SUCLA2: variants seen among roughly 807,000 people sequenced by gnomAD.
The protein encoded by SUCLA2 is succinate-CoA ligase ADP-forming subunit beta, also known as succinate--CoA ligase [ADP-forming] subunit beta, mitochondrial.
Under a neutral mutation model 54.8 loss-of-function variants are expected in SUCLA2, and 30 were observed. That is an observed-to-expected ratio of 0.55 (90% CI 0.41 to 0.74). SUCLA2 has a LOEUF of 0.74. Ranked by LOEUF, SUCLA2 falls within the 30% of genes least tolerant of loss-of-function variation. The pLI is 0.00. For missense variants in SUCLA2, 476 were observed against 562.9 expected (o/e 0.85, Z 1.56); for synonymous variants, 172 against 188.9 (o/e 0.91, Z 0.74).
At chr13:47,973,214 AT>A (rs749104057) in intron 5 of SUCLA2, 49 bp downstream of exon 5, 249 of 1,513,506 alleles carry the variant, frequency 1.6e-4, no homozygotes, top group Non-Finnish European at 2.2e-4. Context: ...ATCTTTAAGT[AT>A]CATAATTCTC....
chr13:47,962,514 T>C (rs901125119), intron 6 of SUCLA2, among the ~76,000 whole-genome samples: 1 of 152,150 alleles, frequency 6.6e-6, no homozygotes, highest in East Asian at 1.9e-4. Context: ...GGACTGAAGA[T>C]TATTTTGCAG....
At chr13:47,961,696 C>T (rs1440518161) in intron 6 of SUCLA2, among the ~76,000 whole-genome samples, 2 of 150,608 alleles carry the variant, frequency 1.3e-5, no homozygotes, top group Non-Finnish European at 3.0e-5. Flanking sequence ...GATTCTACGA[C>T]ATTCCTGAAA....
Position 47,996,840 on chromosome 13 carries a change from T to C in SUCLA2, c.271+3A>G. On this transcript the variant is annotated splice_donor_region_variant and intron_variant, in intron 2 of 10. Coordinates refer to ENST00000646932, the MANE Select transcript of SUCLA2 (RefSeq NM_003850.3). Reference sequence around the variant, plus strand: ...GTGGCAAAAGCTTTTCTTAATTTAGTACCTAATTTTTTGGCAATTGCATAA... The same window carrying C: ...GTGGCAAAAGCTTTTCTTAATTTAGCACCTAATTTTTTGGCAATTGCATAA... 1 of 1,612,786 alleles carries C rather than the reference T, an allele frequency of 6.2e-7. No individual in the cohort carries two copies. Among genetic ancestry groups the C allele is most frequent in the Non-Finnish European group, 8.5e-7 (1 of 1,179,782 alleles).
intron 8 of SUCLA2, among the ~76,000 whole-genome samples, chr13:47,953,379 A>G (rs898639667): frequency 6.6e-6 from 1 of 152,226 alleles, no homozygotes; most frequent in Non-Finnish European, 1.5e-5. Context: ...GTTTGTCAAA[A>G]GAAGCTATAG....
intron 6 of SUCLA2, among the ~76,000 whole-genome samples, chr13:47,963,805 T>C (rs563786111): frequency 2.0e-4 from 30 of 152,334 alleles, no homozygotes; most frequent in African/African-American, 7.0e-4. Context: ...CATTAAGTAG[T>C]ATGTCTATCT....
chr13:47,957,657 A>G (rs1329435165), intron 6 of SUCLA2, among the ~76,000 whole-genome samples: 1 of 152,192 alleles, frequency 6.6e-6, no homozygotes, highest in Non-Finnish European at 1.5e-5. Context: ...TCATTTGTAG[A>G]TTGAACAAGC....
intron 4 of SUCLA2, chr13:47,988,214 T>C (rs1334409298): frequency 5.8e-6 from 2 of 346,574 alleles, no homozygotes; most frequent in Non-Finnish European, 1.0e-5. Flanking sequence ...CATTAGAATA[T>C]TTTACTATGC....
intron 4 of SUCLA2, among the ~76,000 whole-genome samples, chr13:47,975,679 T>C (rs1950006547): frequency 6.6e-6 from 1 of 152,214 alleles, no homozygotes; most frequent in African/African-American, 2.4e-5. Context: ...TCGATTTCTG[T>C]ATACATTTGT....
intron 1 of SUCLA2, among the ~76,000 whole-genome samples, chr13:47,999,566 A>G (rs544506938): frequency 4.6e-5 from 7 of 152,144 alleles, no homozygotes; most frequent in African/African-American, 1.7e-4. Context: ...AATTAGCCGG[A>G]CGTGGTGGCA....
chr13:48,000,915 G>A, intron 1 of SUCLA2: 2 of 1,357,542 alleles, frequency 1.5e-6, no homozygotes, highest in South Asian at 1.6e-5. Context: ...ACCTGCTCCC[G>A]CCCATCTCTT....
chr13:47,999,563 C>G (rs1593507313), intron 1 of SUCLA2, among the ~76,000 whole-genome samples: 1 of 152,004 alleles, frequency 6.6e-6, no homozygotes, highest in Non-Finnish European at 1.5e-5. Context: ...AAAAATTAGC[C>G]GGACGTGGTG....
chr13:47,956,899 C>T (rs1356079767), intron 6 of SUCLA2: 1 of 152,196 alleles, frequency 6.6e-6, no homozygotes, highest in African/African-American at 2.4e-5. Context: ...GAAAGAACAA[C>T]AAAAATATAT....
At chr13:47,966,135 T>C (rs1364215334) in intron 6 of SUCLA2, among the ~76,000 whole-genome samples, 1 of 152,166 alleles carries the variant, frequency 6.6e-6, no homozygotes, top group Non-Finnish European at 1.5e-5. Flanking sequence ...ATTTGTATTT[T>C]TATACACACA....
chr13:47,974,541 C>G (rs1949993216), intron 4 of SUCLA2, among the ~76,000 whole-genome samples: 1 of 152,032 alleles, frequency 6.6e-6, no homozygotes, highest in Non-Finnish European at 1.5e-5. Context: ...CAGCTGTGAT[C>G]ACACCATGGC....
At chr13:48,000,194 T>C (rs1052759147) in intron 1 of SUCLA2, among the ~76,000 whole-genome samples, 1 of 148,850 alleles carries the variant, frequency 6.7e-6, no homozygotes, top group Non-Finnish European at 1.5e-5. Flanking sequence ...TACTATGACA[T>C]GTATGAAGAG....
intron 6 of SUCLA2, among the ~76,000 whole-genome samples, chr13:47,964,645 CAGG>C (rs2137709323): frequency 6.6e-6 from 1 of 152,216 alleles, no homozygotes; most frequent in South Asian, 2.1e-4. Flanking sequence ...ATCACAAGGC[CAGG>C]AGATCGAGAC....
At chr13:47,957,234 AT>A (rs1358993262) in intron 6 of SUCLA2, among the ~76,000 whole-genome samples, 3 of 152,038 alleles carry the variant, frequency 2.0e-5, no homozygotes, top group African/African-American at 7.3e-5. Context: ...AGGGAGATGG[AT>A]TTGAGACTGA....
chr13:47,963,070 A>G (rs1282386477), intron 6 of SUCLA2, among the ~76,000 whole-genome samples: 2 of 151,878 alleles, frequency 1.3e-5, no homozygotes, highest in African/African-American at 2.4e-5. Flanking sequence ...TCAGGGAGAT[A>G]GATTTGAGAC....
intron 10 of SUCLA2, 21 bp from the exon 11 acceptor site, chr13:47,943,466 A>C (rs751589957): frequency 6.2e-7 from 1 of 1,612,948 alleles, no homozygotes; most frequent in Non-Finnish European, 8.5e-7. Context: ...AGAACGAAGA[A>C]TTTTCACAAA....
Sources: allele counts gnomAD v4.1 joint callset (sites outside exome capture counted in the v4.1 genomes callset), GRCh38; gene constraint gnomAD v4.1.1; transcripts MANE v1.5; gene names NCBI Gene and HGNC (gene_info 2026-07-23, HGNC 2026-07-21).